Variants in PPP3R1 observed in about 807,000 individuals in gnomAD.
The protein encoded by PPP3R1 is calcineurin subunit B type 1.
In PPP3R1, 5 loss-of-function variants were observed where a neutral mutation model predicts 22.6. That is an observed-to-expected ratio of 0.22 (90% CI 0.12 to 0.46). The LOEUF (loss-of-function observed/expected upper bound fraction) is 0.46, where lower values mean the gene tolerates loss of function less well. Among genes scored for constraint, PPP3R1 ranks in the 20% least tolerant of loss-of-function variants. The pLI, the probability that PPP3R1 is intolerant of heterozygous loss-of-function variation, is 0.99. For missense variants in PPP3R1, 61 were observed against 203.2 expected (o/e 0.30, Z 4.25); for synonymous variants, 56 against 65.2 (o/e 0.86, Z 0.68).
intron 1 of PPP3R1, among the ~76,000 whole-genome samples, chr2:68,229,857 GGT>G (rs371523620): frequency 1.8e-4 from 27 of 149,288 alleles, no homozygotes; most frequent in East Asian, 5.9e-4. Context: ...ATGTTTAATT[GGT>G]GTGTGTGTGT....
At chr2:68,184,402 G>T (rs1674487128) in intron 5 of PPP3R1, among the ~76,000 whole-genome samples, 1 of 152,132 alleles carries the variant, frequency 6.6e-6, no homozygotes, top group Non-Finnish European at 1.5e-5. Context: ...AAATTTAGAT[G>T]CTGTCTCTTC....
In PPP3R1 at chr2:68,207,885, G is replaced by A. The variant is rs539340196; in HGVS notation, c.43+9207C>T. On this transcript the variant is annotated intron_variant, in intron 2 of 5. Coordinates refer to ENST00000234310, the MANE Select transcript of PPP3R1 (RefSeq NM_000945.4). ...TAAAACAGACTCATTGCAGGGCGCA[G>A]TGGCTCACGCCTGCAATGCCAGCAC... Among the ~76,000 whole-genome samples, 6 of 152,344 alleles carry A rather than the reference G, an allele frequency of 3.9e-5. No individual in the cohort carries two copies. The East Asian group carries it at 9.6e-4, about 24-fold the overall frequency.
chr2:68,192,894 T>C (rs188716393), intron 2 of PPP3R1, among the ~76,000 whole-genome samples: 53 of 152,262 alleles, frequency 3.5e-4, no homozygotes, highest in African/African-American at 1.1e-3. Flanking sequence ...TGCTAAAGTA[T>C]AGATTTTATA....
intron 1 of PPP3R1, among the ~76,000 whole-genome samples, chr2:68,231,467 G>T (rs980930578): frequency 3.4e-5 from 5 of 145,648 alleles, no homozygotes; most frequent in Non-Finnish European, 7.5e-5. Context: ...GTGAATAATA[G>T]ATTTTATTAG....
intron 1 of PPP3R1, among the ~76,000 whole-genome samples, chr2:68,239,832 A>ACTG (rs974038484): frequency 4.6e-5 from 7 of 152,282 alleles, no homozygotes; most frequent in African/African-American, 1.7e-4. Context: ...TTACATAATC[A>ACTG]CTGCCTAGCT....
At chr2:68,252,065 C>A in intron 1 of PPP3R1, 60 bp downstream of exon 1, 1 of 1,368,846 alleles carries the variant, frequency 7.3e-7, no homozygotes, top group Non-Finnish European at 9.7e-7. Context: ...CGCCCCCGCA[C>A]CCGACCCGGA....
intron 2 of PPP3R1, among the ~76,000 whole-genome samples, chr2:68,196,284 T>A (rs1252252950): frequency 6.6e-6 from 1 of 151,976 alleles, no homozygotes; most frequent in Non-Finnish European, 1.5e-5. Flanking sequence ...AATGGCTGTA[T>A]TTTCATGTGA....
intron 2 of PPP3R1, among the ~76,000 whole-genome samples, chr2:68,209,346 G>C (rs190097147): frequency 1.0e-5 from 1 of 95,288 alleles, no homozygotes; most frequent in African/African-American, 4.3e-5. Flanking sequence ...GCGACAGAGC[G>C]AGACTCTGTC....
chr2:68,252,045 C>A (rs1670374570), intron 1 of PPP3R1, 80 bp downstream of exon 1: 1 of 1,295,166 alleles, frequency 7.7e-7, no homozygotes, highest in Non-Finnish European at 1.0e-6. Context: ...CGACCGGGGG[C>A]GTCGGGGCTC....
intron 1 of PPP3R1, among the ~76,000 whole-genome samples, chr2:68,228,854 T>C (rs1669833253): frequency 6.6e-6 from 1 of 152,126 alleles, no homozygotes; most frequent in Non-Finnish European, 1.5e-5. Context: ...CTTATTTTCA[T>C]GAAGCTCAAT....
intron 2 of PPP3R1, among the ~76,000 whole-genome samples, chr2:68,195,222 CTTGA>C (rs1298421083): frequency 3.9e-5 from 6 of 152,114 alleles, no homozygotes; most frequent in South Asian, 2.1e-4. Context: ...TGTGACAACT[CTTGA>C]TTGATTGTCT....
intron 1 of PPP3R1, among the ~76,000 whole-genome samples, chr2:68,239,786 TA>T (rs1670085168): frequency 6.6e-6 from 1 of 152,212 alleles, no homozygotes; most frequent in African/African-American, 2.4e-5. Flanking sequence ...TAAATTAGCC[TA>T]AATTTGGCCT....
chr2:68,213,370 C>T (rs866001870), intron 2 of PPP3R1, among the ~76,000 whole-genome samples: 5 of 152,086 alleles, frequency 3.3e-5, no homozygotes, highest in Non-Finnish European at 7.4e-5. Flanking sequence ...AATTTCAATA[C>T]TGTTGTCTTA....
intron 2 of PPP3R1, among the ~76,000 whole-genome samples, chr2:68,205,244 T>C (rs1675093741): frequency 2.3e-5 from 2 of 85,504 alleles, no homozygotes; most frequent in African/African-American, 4.8e-5. Flanking sequence ...AGTATTATCT[T>C]TTTTTTTTTT....
intron 5 of PPP3R1, among the ~76,000 whole-genome samples, chr2:68,181,261 C>A (rs956632937): frequency 6.6e-6 from 1 of 152,012 alleles, no homozygotes; most frequent in Non-Finnish European, 1.5e-5. Flanking sequence ...GGTGTGGTGG[C>A]GTGTGCCTCT....
intron 1 of PPP3R1, 27 bp from the exon 2 acceptor site, chr2:68,217,158 T>C (rs1445555932): frequency 6.5e-7 from 1 of 1,540,900 alleles, no homozygotes; most frequent in East Asian, 2.3e-5. Context: ...AAATAATTAG[T>C]CATAAAATAG....
intron 1 of PPP3R1, among the ~76,000 whole-genome samples, chr2:68,237,394 T>C (rs1670038428): frequency 6.6e-6 from 1 of 152,088 alleles, no homozygotes; most frequent in Admixed American, 6.6e-5. Flanking sequence ...TAATTTAGAG[T>C]ACTCCAAAAC....
intron 1 of PPP3R1, among the ~76,000 whole-genome samples, chr2:68,225,755 C>A (rs1401364707): frequency 6.6e-6 from 1 of 152,096 alleles, no homozygotes; most frequent in African/African-American, 2.4e-5. Flanking sequence ...AGATGTAGAG[C>A]AAATGAAAAT....
chr2:68,229,675 G>A (rs1669849043), intron 1 of PPP3R1, among the ~76,000 whole-genome samples: 1 of 151,904 alleles, frequency 6.6e-6, no homozygotes, highest in Non-Finnish European at 1.5e-5. Flanking sequence ...TTGTTATGAG[G>A]TCTACTTTAT....
Sources: allele counts gnomAD v4.1 joint callset (sites outside exome capture counted in the v4.1 genomes callset), GRCh38; gene constraint gnomAD v4.1.1; transcripts MANE v1.5; gene names NCBI Gene and HGNC (gene_info 2026-07-23, HGNC 2026-07-21).